Variants in CROCC observed in about 807,000 individuals in gnomAD.
The protein encoded by CROCC is rootletin.
A neutral mutation model predicts 245.2 loss-of-function variants in CROCC; 180 were observed. The observed-to-expected ratio is 0.73, with a 90% CI of 0.65 to 0.83. The LOEUF is 0.83. Among genes scored for constraint, CROCC ranks in the 40% least tolerant of loss-of-function variants. The pLI, the probability that CROCC is intolerant of heterozygous loss-of-function variation, is 0.00. For missense variants in CROCC, 2,688 were observed against 2,779.4 expected (o/e 0.97, Z 0.74); for synonymous variants, 1,205 against 1,241.6 (o/e 0.97, Z 0.62).
Position 16,924,402 on chromosome 1 carries a change from C to G in CROCC, c.274C>G (p.Arg92Gly), listed in dbSNP as rs528949719. 1.3e-5 allele frequency: 21 copies of G among 1,613,252 alleles called. No homozygotes were observed. In the East Asian group the frequency reaches 3.6e-4, roughly 27 times the overall value. ...ENQLLQQELS[R>G]VEDLLAQSRA... Reference sequence around the variant, plus strand: ...CCAGCTGCTGCAGCAGGAGCTGTCCCGCGTGGAGGACCTGCTGGCCCAGAG... The same window carrying G: ...CCAGCTGCTGCAGCAGGAGCTGTCCGGCGTGGAGGACCTGCTGGCCCAGAG... Residue 92 changes from arginine (R) to glycine (G), a missense_variant, in exon 3 of 37, where the codon CGC becomes GGC. Arg to Gly is a moderately radical substitution (Grantham distance 125). Transcript: ENST00000375541.
At chr1:16,918,854 A>G (rs1184193991), upstream of CROCC, among the ~76,000 whole-genome samples, 3 of 151,676 alleles carry the variant, frequency 2.0e-5, no homozygotes, top group Non-Finnish European at 4.4e-5. Flanking sequence ...CTTGTGCCTC[A>G]GCCTCCCGAG....
In CROCC at chr1:16,946,835, G is replaced by C; in HGVS notation, c.2358G>C (p.Glu786Asp). Residue 786 changes from glutamate to aspartate, a missense_variant, in exon 17 of 37, where the codon GAG becomes GAC. Physicochemically the swap from Glu to Asp is conservative, Grantham distance 45. Transcript: ENST00000375541. Reference protein sequence around the residue: ...AEQEATVAREEQERLEELRLE... With the variant: ...AEQEATVAREDQERLEELRLE... ...AGGAGGCCACAGTGGCGCGGGAAGA[G>C]CAGGAACGGCTAGAGGAGCTGCGGT... 6.4e-7 allele frequency: 1 copy of C among 1,554,232 alleles called. No individual in the cohort carries two copies. The highest frequency in any genetic ancestry group is 8.7e-7 in the Non-Finnish European group (1 of 1,148,624).
At chr1:16,944,845 T>C (rs1410163316) in intron 14 of CROCC, among the ~76,000 whole-genome samples, 1 of 152,282 alleles carries the variant, frequency 6.6e-6, no homozygotes, top group African/African-American at 2.4e-5. Context: ...TCGATGATGA[T>C]GTTTAGTAGA....
chr1:16,940,547 C>T lies in CROCC; in HGVS notation c.1808+454C>T, dbSNP rs1268511379. ...GATTATAGGTGCCCACCACCACGCC[C>T]GGCTAATTTTTTTTGTATTTTTAGT... On this transcript the variant is annotated intron_variant, in intron 13 of 36. Transcript: ENST00000375541. Among the ~76,000 whole-genome samples the T allele has an allele frequency of 3.9e-5, 6 of 152,354 alleles. No homozygotes were observed. In the South Asian group the frequency reaches 8.3e-4, roughly 21 times the overall value.
At chr1:16,925,295 G>A (rs571944139) in intron 3 of CROCC, among the ~76,000 whole-genome samples, 161 of 152,332 alleles carry the variant, frequency 1.1e-3, no homozygotes, top group South Asian at 9.7e-3. Context: ...TGTGCCAGGC[G>A]CGTGCTGAGT....
intron 18 of CROCC, 131 bp downstream of exon 18, chr1:16,948,655 T>C: frequency 4.6e-6 from 7 of 1,507,320 alleles, no homozygotes; most frequent in Non-Finnish European, 6.2e-6. Context: ...GTCCTAGCTG[T>C]GGCTCAGGCT....
chr1:16,956,814 C>G (rs531630618), intron 25 of CROCC, among the ~76,000 whole-genome samples: 8 of 152,214 alleles, frequency 5.3e-5, no homozygotes, highest in African/African-American at 1.9e-4. Flanking sequence ...TTCGCTGACC[C>G]GTGAATTCGA....
intron 27 of CROCC, among the ~76,000 whole-genome samples, chr1:16,964,889 C>A (rs2076393904): frequency 6.6e-6 from 1 of 152,150 alleles, no homozygotes; most frequent in African/African-American, 2.4e-5. Flanking sequence ...CACTAGTTGG[C>A]AGGCTGGTCT....
At chr1:16,917,391 G>C (rs568711894), upstream of CROCC, among the ~76,000 whole-genome samples, 1 of 152,272 alleles carries the variant, frequency 6.6e-6, no homozygotes, top group Non-Finnish European at 1.5e-5. Flanking sequence ...TAACGAAGGG[G>C]TAAGCGGATA....
intron 10 of CROCC, among the ~76,000 whole-genome samples, chr1:16,938,166 T>C (rs527696932): frequency 1.3e-5 from 2 of 152,252 alleles, no homozygotes; most frequent in Non-Finnish European, 2.9e-5. Context: ...GCCTGGGTTC[T>C]AGGTCCGGCT....
At chr1:16,914,707 G>T (rs1443964140) in intron 1 of CROCC, among the ~76,000 whole-genome samples, 2 of 152,120 alleles carry the variant, frequency 1.3e-5, no homozygotes, top group Non-Finnish European at 2.9e-5. Context: ...GCGGCCTCAG[G>T]CCTCTGTGCC....
chr1:16,958,690 C>G lies in CROCC; in HGVS notation c.3972C>G (p.Thr1324=). The change falls in exon 26 of 37, where the codon ACC becomes ACG. Residue 1324 remains threonine, a synonymous_variant. Coordinates refer to ENST00000375541, the MANE Select transcript of CROCC (RefSeq NM_014675.5). ...ERAEKESRRE[T]LGLRQRLLKG... ...CAGAGAAGGAGAGCAGGCGGGAGAC[C>G]CTGGGCCTCCGGCAGAGGCTGCTGA... 2 of 1,558,720 alleles carry G rather than the reference C, an allele frequency of 1.3e-6. No individual in the cohort carries two copies. The highest frequency in any genetic ancestry group is 4.0e-4 in the Middle Eastern group (2 of 5,060).
chr1:16,954,433 C>A lies in CROCC; in HGVS notation c.3321+76C>A. On this transcript the variant is annotated intron_variant, in intron 22 of 36. Transcript: ENST00000375541. The surrounding 1 kb of genome is among the most constrained non-coding windows in gnomAD (Gnocchi z 4.4). ...TGGCTGAGGAGCCCCCACCACGGGG[C>A]GGCATGGCCCTGTCCTGGAGAAGCT... The A allele has an allele frequency of 1.3e-6, 2 of 1,528,508 alleles. No individual in the cohort carries two copies. Among genetic ancestry groups the A allele is most frequent in the Non-Finnish European group, 8.9e-7 (1 of 1,129,854 alleles). 94.7% of individuals were successfully genotyped at this position (1,528,508 alleles called of 1,614,324 possible).
chr1:16,935,582 G>A (rs552160236), intron 8 of CROCC, among the ~76,000 whole-genome samples: 353 of 152,262 alleles, frequency 2.3e-3, no homozygotes, highest in African/African-American at 7.8e-3. Context: ...CACCTCACCC[G>A]GCTAATTTTG....
chr1:16,935,590 T>C (rs2075770856), intron 8 of CROCC, among the ~76,000 whole-genome samples: 1 of 152,224 alleles, frequency 6.6e-6, no homozygotes, highest in Admixed American at 6.5e-5. Context: ...CCGGCTAATT[T>C]TGTTTTTGTA....
chr1:16,938,943 T>G lies in CROCC; in HGVS notation c.1409T>G (p.Leu470Arg). The stretch of plus-strand genomic sequence containing the variant: ...TCAGACTCTGAGAGCGGCGTCCAGC[T>G]GAGCGGCTCTGAGCGCACCGCGGAT... The part of the protein sequence containing the change: ...VLSDSESGVQ[L>R]SGSERTADAS... Residue 470 changes from leucine to arginine, a missense_variant, in exon 12 of 37, where the codon CTG becomes CGG. By Grantham distance (102) the Leu-to-Arg change is moderately radical (BLOSUM62 -2). Coordinates refer to ENST00000375541, the MANE Select transcript of CROCC (RefSeq NM_014675.5). The G allele has an allele frequency of 6.2e-7, 1 of 1,600,314 alleles. No individual in the cohort carries two copies. The highest frequency in any genetic ancestry group is 1.1e-5 in the South Asian group (1 of 88,870).
intron 27 of CROCC, 95 bp downstream of exon 27, chr1:16,961,225 G>GTT: frequency 8.3e-7 from 1 of 1,198,124 alleles, no homozygotes. Flanking sequence ...TTTTGTTTTT[G>GTT]TTTTTTTTCA....
intron 25 of CROCC, among the ~76,000 whole-genome samples, chr1:16,957,224 T>C (rs2076262839): frequency 6.6e-6 from 1 of 152,026 alleles, no homozygotes; most frequent in Non-Finnish European, 1.5e-5. Context: ...CCAGGCAACA[T>C]AGTGAGAACC....
Position 16,930,518 on chromosome 1 carries a change from G to T in CROCC, c.773G>T (p.Arg258Leu). Reference protein sequence around the residue: ...SANQALSEDIRKVTNDWTRCR... With the variant: ...SANQALSEDILKVTNDWTRCR... The stretch of plus-strand genomic sequence containing the variant: ...AACCAGGCTCTGAGTGAGGACATAC[G>T]AAAGGTGACCAATGACTGGACACGC... The change falls in exon 7 of 37, where the codon CGA becomes CTA. Residue 258 changes from arginine (R) to leucine (L), a missense_variant. Arg to Leu is a moderately radical substitution (Grantham distance 102). Coordinates refer to ENST00000375541, the MANE Select transcript of CROCC (RefSeq NM_014675.5). 1.9e-6 allele frequency: 3 copies of T among 1,612,456 alleles called. No individual in the cohort carries two copies. The highest frequency in any genetic ancestry group is 2.5e-6 in the Non-Finnish European group (3 of 1,179,838).
Sources: allele counts gnomAD v4.1 joint callset (sites outside exome capture counted in the v4.1 genomes callset), GRCh38; gene constraint gnomAD v4.1.1; non-coding constraint Gnocchi (gnomAD v3.1); transcripts MANE v1.5; gene names NCBI Gene and HGNC (gene_info 2026-07-23, HGNC 2026-07-21).